Variants in PDCD2L observed in about 807,000 individuals in gnomAD.
PDCD2L encodes the protein programmed cell death 2 like.
Under a neutral mutation model 40.4 loss-of-function variants are expected in PDCD2L, and 44 were observed. The observed-to-expected ratio is 1.09, with a 90% CI of 0.86 to 1.40. The LOEUF is 1.40. Among genes scored for constraint, PDCD2L ranks in the 40% most tolerant of loss-of-function variants. The probability of loss-of-function intolerance (pLI) is 0.00; values close to 1 mark genes in which losing one functional copy is unlikely to be tolerated. For missense variants in PDCD2L, 470 were observed against 453.7 expected, an observed-to-expected ratio of 1.04 and a Z score of -0.33; for synonymous variants, 194 against 174.6, an observed-to-expected ratio of 1.11 and a Z score of -0.88.
At chr19:34,407,317 T>A (rs1051692385) in intron 3 of PDCD2L, among the ~76,000 whole-genome samples, 4 of 152,116 alleles carry the variant, frequency 2.6e-5, no homozygotes, top group Non-Finnish European at 4.4e-5. Flanking sequence ...AATTTTTGTA[T>A]TTTTAGTAGA....
chr19:34,410,066 A>C (rs969928622), intron 4 of PDCD2L, among the ~76,000 whole-genome samples: 2 of 151,498 alleles, frequency 1.3e-5, no homozygotes, highest in Non-Finnish European at 2.9e-5. Flanking sequence ...TTTATAAACC[A>C]AAGCTCTCTA....
In PDCD2L at chr19:34,426,094, G is replaced by A. The variant is rs372339509; in HGVS notation, c.1051G>A (p.Asp351Asn). The A allele has an allele frequency of 1.1e-5, 18 of 1,585,290 alleles. No homozygotes were observed. The African/African-American group carries it at 2.3e-4, about 20-fold the overall frequency. ...PMEEFCIIQEDPDELLFK is the reference protein window; with the variant it reads ...PMEEFCIIQENPDELLFK Reference sequence around the variant, plus strand: ...GGAAGAATTTTGTATTATACAAGAAGACCCAGATGAATTATTGTTTAAGTA... The same window carrying A: ...GGAAGAATTTTGTATTATACAAGAAAACCCAGATGAATTATTGTTTAAGTA... The change falls in exon 7 of 7, where the codon GAC becomes AAC. Residue 351 changes from aspartate (D) to asparagine (N), a missense_variant. Coordinates refer to ENST00000246535, the MANE Select transcript of PDCD2L (RefSeq NM_032346.2).
At chr19:34,414,137 G>A (rs1295052254) in intron 5 of PDCD2L, among the ~76,000 whole-genome samples, 3 of 152,084 alleles carry the variant, frequency 2.0e-5, no homozygotes, top group Non-Finnish European at 4.4e-5. Flanking sequence ...CGGCACAGAT[G>A]AAGTCCATGT....
intron 6 of PDCD2L, among the ~76,000 whole-genome samples, chr19:34,423,178 T>G (rs1405059248): frequency 6.6e-6 from 1 of 152,140 alleles, no homozygotes; most frequent in Non-Finnish European, 1.5e-5. Context: ...TATTCCTACC[T>G]TGAAATATTT....
At chr19:34,418,915 T>C (rs2075136796) in intron 5 of PDCD2L, among the ~76,000 whole-genome samples, 1 of 152,222 alleles carries the variant, frequency 6.6e-6, no homozygotes, top group South Asian at 2.1e-4. Context: ...TCTCTGTATA[T>C]CATCTTGGAT....
chr19:34,404,730 T>G lies in PDCD2L; in HGVS notation c.190T>G (p.Cys64Gly), dbSNP rs751904106. Residue 64 changes from cysteine (C) to glycine (G), a missense_variant, in exon 2 of 7, where the codon TGC becomes GGC. Transcript: ENST00000246535. ...QPLALVVQVY[C>G]PLEGSPFHRL... The stretch of plus-strand genomic sequence containing the variant: ...GCTCGCTCTGGTCGTGCAGGTGTAT[T>G]GCCCGCTGGAAGGCTCCCCGTTTCA... The G allele has an allele frequency of 7.4e-6, 12 of 1,612,288 alleles. No individual in the cohort carries two copies. The highest frequency in any genetic ancestry group is 1.0e-5 in the Non-Finnish European group (12 of 1,179,854).
chr19:34,424,367 T>A (rs1174903760), intron 6 of PDCD2L, among the ~76,000 whole-genome samples: 10 of 152,162 alleles, frequency 6.6e-5, no homozygotes, highest in Non-Finnish European at 1.5e-5. Flanking sequence ...AGAAAGAATT[T>A]GACCGAGGCA....
intron 3 of PDCD2L, among the ~76,000 whole-genome samples, chr19:34,406,985 C>T (rs1257490521): frequency 6.6e-6 from 1 of 151,682 alleles, no homozygotes; most frequent in Non-Finnish European, 1.5e-5. Context: ...TACAGGCACT[C>T]GCCACCACGC....
At chr19:34,412,009 TAA>T (rs1297760683) in intron 4 of PDCD2L, among the ~76,000 whole-genome samples, 2 of 145,620 alleles carry the variant, frequency 1.4e-5, no homozygotes, top group Non-Finnish European at 3.0e-5. Context: ...ATATATATAT[TAA>T]AAAATATATA....
rs1401852675 is a variant in PDCD2L at position 34,409,187 on chromosome 19, G to T, written c.363G>T (p.Glu121Asp). 3.1e-6 allele frequency: 5 copies of T among 1,613,172 alleles called. No homozygotes were observed. Among genetic ancestry groups the T allele is most frequent in the Non-Finnish European group, 4.2e-6 (5 of 1,179,286 alleles). The part of the protein sequence containing the change: ...AQKQGNSLAA[E>D]DWCEGADDWG... ...AACAGGGAAACAGCCTTGCAGCTGA[G>T]GACTGGTGTGAAGGTGCTGATGACT... Residue 121 changes from glutamate to aspartate, a missense_variant, in exon 4 of 7, where the codon GAG becomes GAT. Transcript: ENST00000246535.
intron 4 of PDCD2L, among the ~76,000 whole-genome samples, chr19:34,411,474 G>A (rs1425232628): frequency 6.6e-6 from 1 of 150,524 alleles, no homozygotes; most frequent in Non-Finnish European, 1.5e-5. Flanking sequence ...TGGAGTTCTG[G>A]CCCCACGTGA....
intron 3 of PDCD2L, among the ~76,000 whole-genome samples, chr19:34,408,187 C>T (rs957022821): frequency 1.1e-4 from 16 of 152,262 alleles, no homozygotes; most frequent in Non-Finnish European, 2.1e-4. Flanking sequence ...GGATTACAGG[C>T]GTGAGACACT....
chr19:34,409,234 G>A lies in PDCD2L; in HGVS notation c.410G>A (p.Gly137Glu), dbSNP rs201012907. 6.2e-7 allele frequency: 1 copy of A among 1,614,162 alleles called. No homozygotes were observed. Among genetic ancestry groups the A allele is most frequent in the Non-Finnish European group, 8.5e-7 (1 of 1,180,036 alleles). ...GACTGGGGAAGTGATACTGAGGAGG[G>A]GCCTTCACCACAGTTTACCTTGGAT... is the stretch of plus-strand genomic sequence containing the variant. ...ADDWGSDTEE[G>E]PSPQFTLDFG... The change falls in exon 4 of 7, where the codon GGG becomes GAG. Residue 137 changes from glycine to glutamate, a missense_variant. Coordinates refer to ENST00000246535, the MANE Select transcript of PDCD2L (RefSeq NM_032346.2).
intron 6 of PDCD2L, among the ~76,000 whole-genome samples, chr19:34,424,700 C>T (rs933216926): frequency 1.5e-4 from 23 of 151,620 alleles, no homozygotes; most frequent in Admixed American, 3.3e-4. Flanking sequence ...CAGTCAGATG[C>T]TCCTAGAGGA....
At chr19:34,413,989 G>T (rs1052730663) in intron 5 of PDCD2L, 142 bp downstream of exon 5, 3 of 585,038 alleles carry the variant, frequency 5.1e-6, no homozygotes, top group South Asian at 4.2e-5. Context: ...CTGCTTTATA[G>T]GACCTAATAC....
chr19:34,422,754 C>T (rs186082301), intron 6 of PDCD2L, among the ~76,000 whole-genome samples: 2 of 150,194 alleles, frequency 1.3e-5, no homozygotes, highest in African/African-American at 2.5e-5. Context: ...CTTGCTCTGT[C>T]GCCCAGGCTG....
At chr19:34,416,468 G>A (rs763786424) in intron 5 of PDCD2L, among the ~76,000 whole-genome samples, 6 of 152,130 alleles carry the variant, frequency 3.9e-5, no homozygotes, top group Admixed American at 6.6e-5. Context: ...TCAACATACA[G>A]CATTTTACAC....
intron 3 of PDCD2L, among the ~76,000 whole-genome samples, chr19:34,405,608 G>C (rs1043461366): frequency 6.6e-6 from 1 of 151,588 alleles, no homozygotes; most frequent in Non-Finnish European, 1.5e-5. Context: ...GAGCTCAGAA[G>C]TTGGAGACCA....
intron 6 of PDCD2L, among the ~76,000 whole-genome samples, 170 bp from the exon 7 acceptor site, chr19:34,425,820 A>G (rs185993569): frequency 3.3e-5 from 5 of 152,338 alleles, no homozygotes; most frequent in Admixed American, 1.3e-4. Flanking sequence ...TTTGTTATCA[A>G]TATTCACTTA....
Sources: gnomAD v4.1 joint callset for allele counts (sites outside exome capture counted in the v4.1 genomes callset) on GRCh38, gnomAD v4.1.1 for gene constraint, MANE v1.5 for transcripts, NCBI Gene and HGNC (gene_info 2026-07-23, HGNC 2026-07-21) for gene names.